Variants in GPC6 observed in about 807,000 individuals in gnomAD.
GPC6 encodes the protein glypican 6, also known as glypican-6.
A neutral mutation model predicts 55.2 loss-of-function variants in GPC6; 14 were observed. The observed-to-expected ratio is 0.25, with a 90% CI of 0.17 to 0.40. The LOEUF (loss-of-function observed/expected upper bound fraction) is 0.40. Among genes scored for constraint, GPC6 ranks in the 10% least tolerant of loss-of-function variants. The pLI, the probability that GPC6 is intolerant of heterozygous loss-of-function variation, is 1.00. For synonymous variants in GPC6, 278 were observed against 259.6 expected, an observed-to-expected ratio of 1.07 and a Z score of -0.68; for missense variants, 641 against 708.5, an observed-to-expected ratio of 0.90 and a Z score of 1.08.
chr13:93,611,491 A>G (rs1878459663), intron 2 of GPC6, among the ~76,000 whole-genome samples: 1 of 152,170 alleles, frequency 6.6e-6, no homozygotes, highest in Non-Finnish European at 1.5e-5. Flanking sequence ...GTACAGAGCC[A>G]TAAATTATTT....
At chr13:93,891,864 GTA>G (rs1409832063) in intron 3 of GPC6, among the ~76,000 whole-genome samples, 1 of 151,806 alleles carries the variant, frequency 6.6e-6, no homozygotes, top group Non-Finnish European at 1.5e-5. Flanking sequence ...GTGTGTATGT[GTA>G]TATATAGTGT....
chr13:94,115,993 T>C (rs1886418793), intron 4 of GPC6, among the ~76,000 whole-genome samples: 2 of 152,084 alleles, frequency 1.3e-5, no homozygotes, highest in South Asian at 4.1e-4. Context: ...CATAGAAATA[T>C]TGTAAGGACT....
In GPC6 at chr13:94,129,315, G is replaced by A. The variant is rs568417597; in HGVS notation, c.877+101421G>A. Among the ~76,000 whole-genome samples the A allele has an allele frequency of 5.9e-5, 9 of 151,928 alleles. No individual in the cohort carries two copies. The South Asian group carries it at 1.7e-3, about 28-fold the overall frequency. On this transcript the variant is annotated intron_variant, in intron 4 of 8. Coordinates refer to ENST00000377047, the MANE Select transcript of GPC6 (RefSeq NM_005708.5). ...TCCCTTCCTCTCCTTTCCTCTACTCGCCTCTCTATAAGCAGGGAATTACAT... is the reference window on the plus strand; with the variant it reads ...TCCCTTCCTCTCCTTTCCTCTACTCACCTCTCTATAAGCAGGGAATTACAT...
At chr13:93,481,977 A>G (rs1023603610) in intron 1 of GPC6, among the ~76,000 whole-genome samples, 5 of 152,140 alleles carry the variant, frequency 3.3e-5, no homozygotes, top group Admixed American at 6.6e-5. Flanking sequence ...CAGAAATTGT[A>G]TTCAATCTTT....
chr13:93,480,336 ATT>A (rs1420540626), intron 1 of GPC6, among the ~76,000 whole-genome samples: 2 of 152,116 alleles, frequency 1.3e-5, no homozygotes, highest in African/African-American at 2.4e-5. Flanking sequence ...ATTTAGTTAT[ATT>A]TTCTCTTTTC....
chr13:94,111,249 C>T (rs1022192521), intron 4 of GPC6, among the ~76,000 whole-genome samples: 2 of 151,550 alleles, frequency 1.3e-5, no homozygotes, highest in Admixed American at 6.6e-5. Flanking sequence ...GTATGTTTTT[C>T]CCATCTGTCT....
At chr13:93,608,548 A>G (rs1878337282) in intron 2 of GPC6, among the ~76,000 whole-genome samples, 1 of 152,180 alleles carries the variant, frequency 6.6e-6, no homozygotes, top group African/African-American at 2.4e-5. Context: ...TTCACTTTCA[A>G]TCTTTTCATG....
intron 3 of GPC6, among the ~76,000 whole-genome samples, chr13:93,914,278 C>T (rs998065733): frequency 2.0e-5 from 3 of 152,014 alleles, no homozygotes; most frequent in African/African-American, 4.8e-5. Context: ...CATGTGTTCT[C>T]ATTGTTCAAT....
intron 3 of GPC6, among the ~76,000 whole-genome samples, chr13:94,019,151 T>G (rs1882604166): frequency 6.6e-6 from 1 of 152,206 alleles, no homozygotes. Flanking sequence ...GATTCTTCTT[T>G]AATGTTTGGT....
intron 1 of GPC6, among the ~76,000 whole-genome samples, chr13:93,374,346 T>C (rs938274365): frequency 6.6e-6 from 1 of 152,180 alleles, no homozygotes; most frequent in Non-Finnish European, 1.5e-5. Flanking sequence ...ACATTCTCCA[T>C]GTTCAAACAC....
chr13:94,062,867 T>G (rs747688299), intron 4 of GPC6, among the ~76,000 whole-genome samples: 8 of 152,202 alleles, frequency 5.3e-5, no homozygotes, highest in Non-Finnish European at 8.8e-5. Flanking sequence ...ATACCAAACA[T>G]TTCTGAAATC....
chr13:94,037,232 T>A (rs1487700819), intron 4 of GPC6, among the ~76,000 whole-genome samples: 2 of 151,962 alleles, frequency 1.3e-5, no homozygotes, highest in East Asian at 3.9e-4. Context: ...AGCCTTGCAG[T>A]ATTTTTCAAT....
chr13:93,775,940 A>T (rs1885450844), intron 2 of GPC6, among the ~76,000 whole-genome samples: 1 of 152,132 alleles, frequency 6.6e-6, no homozygotes, highest in Admixed American at 6.6e-5. Flanking sequence ...TAAGAAAATG[A>T]TTGGCTTTTT....
At chr13:93,940,728 C>T (rs374461900) in intron 3 of GPC6, among the ~76,000 whole-genome samples, 6 of 151,964 alleles carry the variant, frequency 3.9e-5, no homozygotes, top group Non-Finnish European at 2.9e-5. Flanking sequence ...ATTGAGAGTC[C>T]GTTTTAACTT....
intron 2 of GPC6, among the ~76,000 whole-genome samples, chr13:93,698,561 G>A (rs1264849899): frequency 2.7e-5 from 2 of 75,454 alleles, no homozygotes; most frequent in Admixed American, 1.7e-4. Context: ...CCTTTTATTA[G>A]TTAGATTATT....
intron 1 of GPC6, among the ~76,000 whole-genome samples, chr13:93,465,243 A>G (rs1196468911): frequency 6.6e-6 from 1 of 152,218 alleles, no homozygotes; most frequent in Non-Finnish European, 1.5e-5. Flanking sequence ...ATTAGCCTCT[A>G]AAAAGAGAGT....
chr13:93,684,656 T>C (rs1017257354), intron 2 of GPC6, among the ~76,000 whole-genome samples: 7 of 152,192 alleles, frequency 4.6e-5, no homozygotes, highest in African/African-American at 1.7e-4. Flanking sequence ...TTATTTTATT[T>C]TTTTCACCTT....
rs1424497855 is a variant in GPC6 at position 93,349,377 on chromosome 13, T to C, written c.160+121761T>C. On this transcript the variant is annotated intron_variant, in intron 1 of 8. Transcript: ENST00000377047. ...TTTCAGAAAAATTGATTTTGCTTTG[T>C]GCACAAACTATAAAAAGCCTTATTC... 2.6e-5 allele frequency among the ~76,000 whole-genome samples: 4 copies of C among 152,184 alleles called. No homozygotes were observed. In the East Asian group the frequency reaches 7.7e-4, roughly 29 times the overall value.
chr13:93,855,978 T>C (rs1888596491), intron 3 of GPC6, among the ~76,000 whole-genome samples: 1 of 151,714 alleles, frequency 6.6e-6, no homozygotes, highest in African/African-American at 2.4e-5. Context: ...TCCCAGCCTG[T>C]GGCTTCTCCT....
Sources: allele counts gnomAD v4.1 joint callset (sites outside exome capture counted in the v4.1 genomes callset), GRCh38; gene constraint gnomAD v4.1.1; transcripts MANE v1.5; gene names NCBI Gene and HGNC (gene_info 2026-07-23, HGNC 2026-07-21).